LMO7: variants seen among roughly 807,000 people sequenced by gnomAD.
LMO7 encodes the protein LIM domain 7, also known as LIM domain only protein 7.
A neutral mutation model predicts 206.5 loss-of-function variants in LMO7; 120 were observed. The ratio of observed to expected loss-of-function variants is 0.58; its 90% CI spans 0.50 to 0.68. LMO7 has a LOEUF of 0.68. Among genes scored for constraint, LMO7 ranks in the 30% least tolerant of loss-of-function variants. The pLI is 0.00. For missense variants in LMO7, 1,959 were observed against 1,957.9 expected (o/e 1.00, Z -0.01); for synonymous variants, 706 against 681.5 (o/e 1.04, Z -0.56).
intron 24 of LMO7, among the ~76,000 whole-genome samples, chr13:75,842,629 C>T (rs1368849589): frequency 1.3e-5 from 2 of 152,196 alleles, no homozygotes; most frequent in South Asian, 2.1e-4. Context: ...GGTGGGGACT[C>T]AGTATGTATT....
intron 2 of LMO7, among the ~76,000 whole-genome samples, chr13:75,713,780 T>C (rs1015385932): frequency 1.3e-5 from 2 of 152,170 alleles, no homozygotes; most frequent in Non-Finnish European, 2.9e-5. Context: ...CAGACTTTGC[T>C]TACAAAGAAG....
intron 2 of LMO7, among the ~76,000 whole-genome samples, chr13:75,719,083 G>A (rs943446106): frequency 1.3e-5 from 2 of 151,454 alleles, no homozygotes; most frequent in Non-Finnish European, 2.9e-5. Flanking sequence ...GGGTTCAAGC[G>A]ATTCTCCTGC....
chr13:75,838,389 G>A lies in LMO7; in HGVS notation c.3451+193G>A, dbSNP rs576633345. 236 of 1,411,860 alleles carry A rather than the reference G, an allele frequency of 1.7e-4. 2 individuals are homozygous for A. The South Asian group carries it at 2.7e-3, about 16-fold the overall frequency. The allele number at this position is 1,411,860 out of a possible 1,614,324, so 87.5% of individuals were successfully genotyped here. On this transcript the variant is annotated intron_variant, in intron 20 of 30. Coordinates refer to ENST00000377534, the MANE Select transcript of LMO7 (RefSeq NM_001306080.2). ...TACAGTTCATGGGTCTACCTCTGTG[G>A]TAATGGGTCTTTGTGTGTCCTTTGT...
At chr13:75,674,495 T>C (rs2039850331) in intron 1 of LMO7, among the ~76,000 whole-genome samples, 1 of 152,202 alleles carries the variant, frequency 6.6e-6, no homozygotes, top group Non-Finnish European at 1.5e-5. Flanking sequence ...GAAACATTTC[T>C]ATGGATGTTG....
intron 2 of LMO7, chr13:75,628,389 T>C (rs2034483095): frequency 6.6e-6 from 1 of 152,242 alleles, no homozygotes; most frequent in South Asian, 2.1e-4. Flanking sequence ...TGGCTTCCTT[T>C]TCCTCTGGCT....
chr13:75,805,793 T>C (rs761672030), intron 9 of LMO7, 33 bp downstream of exon 9: 6 of 1,603,434 alleles, frequency 3.7e-6, no homozygotes, highest in Non-Finnish European at 5.1e-6. Flanking sequence ...GTCACACCAG[T>C]GTTCATTCAG....
At chr13:75,720,270 C>A (rs1488039386) in intron 2 of LMO7, among the ~76,000 whole-genome samples, 1 of 152,126 alleles carries the variant, frequency 6.6e-6, no homozygotes, top group East Asian at 1.9e-4. Context: ...TATTTTCTCT[C>A]AGTCTGTGGC....
chr13:75,804,355 C>G lies in LMO7; in HGVS notation c.728C>G (p.Ser243Trp). Residue 243 changes from serine (S) to tryptophan (W), a missense_variant, in exon 8 of 31, where the codon TCG becomes TGG. Ser to Trp is a radical substitution (Grantham distance 177, BLOSUM62 -3). Transcript: ENST00000377534. Reference sequence around the variant, plus strand: ...CAGGATTATAATAAAGATGATATGTCGTATCGAAGGATTTCGGCTGTTGAG... The same window carrying G: ...CAGGATTATAATAAAGATGATATGTGGTATCGAAGGATTTCGGCTGTTGAG... ...KMQDYNKDDM[S>W]YRRISAVEPK... 6.2e-7 allele frequency: 1 copy of G among 1,613,868 alleles called. No homozygotes were observed. The highest frequency in any genetic ancestry group is 8.5e-7 in the Non-Finnish European group (1 of 1,179,780).
intron 2 of LMO7, among the ~76,000 whole-genome samples, chr13:75,714,789 T>G (rs568612896): frequency 1.3e-4 from 20 of 152,196 alleles, no homozygotes; most frequent in African/African-American, 4.1e-4. Context: ...ATGATTTAAA[T>G]GTACTCTAGT....
intron 1 of LMO7, among the ~76,000 whole-genome samples, chr13:75,663,524 G>A (rs2038833985): frequency 6.7e-6 from 1 of 148,284 alleles, no homozygotes; most frequent in African/African-American, 2.5e-5. Flanking sequence ...TCTGCCTCCC[G>A]GGTTCACACC....
chr13:75,733,063 G>T (rs575397819), intron 3 of LMO7, among the ~76,000 whole-genome samples: 5 of 152,164 alleles, frequency 3.3e-5, no homozygotes, highest in Admixed American at 2.0e-4. Context: ...TAGACTGCTC[G>T]GGGGTCAGGG....
chr13:75,636,203 G>C (rs2035810991), upstream of LMO7: 2 of 753,982 alleles, frequency 2.7e-6, no homozygotes, highest in Non-Finnish European at 3.3e-6. Context: ...CCGCGGCCGG[G>C]AGCCCGGGGA....
At chr13:75,842,965 C>T (rs920701) in intron 25 of LMO7, 49 bp downstream of exon 25, 704,533 of 1,143,390 alleles carry the variant, frequency 0.62, 220,193 homozygotes, top group Middle Eastern at 0.68. Flanking sequence ...TGGCTTCAGA[C>T]AATATTCCAG....
Position 75,805,053 on chromosome 13 carries a change from C to G in LMO7, c.915-426C>G, listed in dbSNP as rs1040398468. The G allele has an allele frequency of 7.1e-6, 7 of 991,422 alleles. No homozygotes were observed. The African/African-American group carries it at 8.8e-5, about 13-fold the overall frequency. The allele number at this position is 991,422 out of a possible 1,614,324, so 61.4% of individuals were successfully genotyped here. A position where few individuals can be genotyped will look rare whatever the true frequency, so the allele number is the denominator to read the frequency against. The stretch of plus-strand genomic sequence containing the variant: ...CCGTAGATTCCAAGTGAAAAAGAGG[C>G]CCCAGAATTTCATCTCGAAAATCAC... On this transcript the variant is annotated intron_variant, in intron 8 of 30. Coordinates refer to ENST00000377534, the MANE Select transcript of LMO7 (RefSeq NM_001306080.2).
At chr13:75,728,379 G>A (rs1273128867) in intron 3 of LMO7, among the ~76,000 whole-genome samples, 2 of 152,184 alleles carry the variant, frequency 1.3e-5, no homozygotes, top group African/African-American at 2.4e-5. Flanking sequence ...GGCCAGTGAT[G>A]ATGAGTATTT....
chr13:75,802,310 G>A (rs1256030234), intron 7 of LMO7, among the ~76,000 whole-genome samples: 1 of 152,326 alleles, frequency 6.6e-6, no homozygotes, highest in East Asian at 1.9e-4. Context: ...CTGTCAAGGT[G>A]TGACATTTTC....
At chr13:75,729,833 A>G (rs1050006288) in intron 3 of LMO7, among the ~76,000 whole-genome samples, 3 of 149,846 alleles carry the variant, frequency 2.0e-5, no homozygotes, top group African/African-American at 7.4e-5. Flanking sequence ...AGTTTTTAGC[A>G]TGAAGGGTTG....
In LMO7 at chr13:75,823,789, A is replaced by G. The variant is rs778147569; in HGVS notation, c.2865A>G (p.Thr955=). The G allele has an allele frequency of 3.1e-6, 5 of 1,613,948 alleles. No individual in the cohort carries two copies. Among genetic ancestry groups the G allele is most frequent in the African/African-American group, 2.7e-5 (2 of 74,910 alleles). The part of the protein sequence containing the change: ...SQDQAATSKA[T]LSSTSGLDLM... The stretch of plus-strand genomic sequence containing the variant: ...ACCAGGCTGCCACTTCTAAAGCCAC[A>G]TTGTCTTCCACATCTGGTCTTGATT... Residue 955 remains threonine (T), a synonymous_variant, in exon 15 of 31, where the codon ACA becomes ACG. Transcript: ENST00000377534.
chr13:75,729,642 T>C (rs1209630416), intron 3 of LMO7, among the ~76,000 whole-genome samples: 1 of 150,996 alleles, frequency 6.6e-6, no homozygotes, highest in African/African-American at 2.4e-5. Context: ...CTAATTGCCC[T>C]GGCCAGAACT....
Sources: allele counts gnomAD v4.1 joint callset (sites outside exome capture counted in the v4.1 genomes callset), GRCh38; gene constraint gnomAD v4.1.1; transcripts MANE v1.5; gene names NCBI Gene and HGNC (gene_info 2026-07-23, HGNC 2026-07-21).